The following LRFN2 variants were observed in gnomAD, a reference collection of about 807,000 sequenced individuals.
LRFN2 encodes the protein leucine-rich repeat and fibronectin type-III domain-containing protein 2.
LRFN2 carries 18 observed loss-of-function variants against 37.3 expected under a neutral mutation model. The observed-to-expected ratio is 0.48, with a 90% confidence interval of 0.33 to 0.72. LRFN2 has a LOEUF of 0.72. LRFN2 is among the 30% of genes least tolerant of loss of function. LRFN2 has a pLI of 0.02. For missense variants in LRFN2, 1,006 were observed against 1,060.7 expected (o/e 0.95, Z 0.72); for synonymous variants, 556 against 466.6 (o/e 1.19, Z -2.47).
chr6:40,536,036 A>G (rs1766442706), intron 1 of LRFN2, among the ~76,000 whole-genome samples: 1 of 152,106 alleles, frequency 6.6e-6, no homozygotes, highest in African/African-American at 2.4e-5. Context: ...GGAGATGGAA[A>G]TAAAGAAGTT....
intron 1 of LRFN2, among the ~76,000 whole-genome samples, chr6:40,508,346 T>C (rs898772659): frequency 5.3e-5 from 8 of 152,224 alleles, no homozygotes; most frequent in Non-Finnish European, 8.8e-5. Flanking sequence ...ACCCCACAGC[T>C]TCCCACTGTA....
In LRFN2 at chr6:40,432,697, G is replaced by T; in HGVS notation, c.417C>A (p.Ile139=). 6.2e-7 allele frequency: 1 copy of T among 1,614,166 alleles called. No homozygotes were observed. The part of the protein sequence containing the change: ...LIVNNNQLGG[I]ADEAFEDFLL... ...GGAAGTCCTCAAAAGCCTCATCTGC[G>T]ATGCCGCCCAGCTGGTTGTTGTTCA... Residue 139 remains isoleucine, a synonymous_variant, in exon 2 of 3, where the codon ATC becomes ATA. Transcript: ENST00000338305.
intron 1 of LRFN2, among the ~76,000 whole-genome samples, chr6:40,566,905 TC>T (rs1424865295): frequency 1.3e-5 from 2 of 151,480 alleles, no homozygotes; most frequent in African/African-American, 4.9e-5. Context: ...ATAAAAGAAA[TC>T]CCTAACATTT....
intron 1 of LRFN2, among the ~76,000 whole-genome samples, chr6:40,470,173 T>C (rs1561868554): frequency 6.6e-6 from 1 of 152,020 alleles, no homozygotes; most frequent in Non-Finnish European, 1.5e-5. Context: ...CCAACATGGC[T>C]CCCCAAGGCA....
In LRFN2 at chr6:40,493,968, A is replaced by G. The variant is rs555429224; in HGVS notation, c.-18-60837T>C. 5.3e-5 allele frequency among the ~76,000 whole-genome samples: 8 copies of G among 152,358 alleles called. No individual in the cohort carries two copies. The South Asian group carries it at 1.7e-3, about 32-fold the overall frequency. On this transcript the variant is annotated intron_variant, in intron 1 of 2. Transcript: ENST00000338305. Reference sequence around the variant, plus strand: ...GCCTCACCTGCTGTTCTGACAAGACAGTGCTGTCCTGTGGTTCTGGAAAAG... The same window carrying G: ...GCCTCACCTGCTGTTCTGACAAGACGGTGCTGTCCTGTGGTTCTGGAAAAG...
At chr6:40,484,663 A>G (rs1581741208) in intron 1 of LRFN2, among the ~76,000 whole-genome samples, 1 of 152,322 alleles carries the variant, frequency 6.6e-6, no homozygotes, top group African/African-American at 2.4e-5. Context: ...CTCAGGAACT[A>G]GATATCAGAC....
intron 1 of LRFN2, among the ~76,000 whole-genome samples, chr6:40,464,517 TG>T (rs1764415225): frequency 6.6e-6 from 1 of 152,186 alleles, no homozygotes; most frequent in African/African-American, 2.4e-5. Flanking sequence ...CCCTTGACCT[TG>T]GGCTTCTCAG....
chr6:40,449,877 T>C (rs1205751492), intron 1 of LRFN2, among the ~76,000 whole-genome samples: 1 of 152,082 alleles, frequency 6.6e-6, no homozygotes, highest in Non-Finnish European at 1.5e-5. Flanking sequence ...TGTTACATGA[T>C]AGAGAAAAAA....
At chr6:40,562,001 T>C (rs1414925265) in intron 1 of LRFN2, among the ~76,000 whole-genome samples, 1 of 152,174 alleles carries the variant, frequency 6.6e-6, no homozygotes, top group Non-Finnish European at 1.5e-5. Flanking sequence ...TAGCAGGTAT[T>C]CTAGAAGTAT....
At chr6:40,574,616 G>A (rs914548232) in intron 1 of LRFN2, among the ~76,000 whole-genome samples, 11 of 152,184 alleles carry the variant, frequency 7.2e-5, no homozygotes, top group African/African-American at 2.4e-4. Flanking sequence ...TAAATGTGTG[G>A]CCTGTTCCAT....
At chr6:40,550,670 T>C (rs435426) in intron 1 of LRFN2, among the ~76,000 whole-genome samples, 18,490 of 151,642 alleles carry the variant, frequency 0.12, 1,393 homozygotes, top group Non-Finnish European at 0.16. Flanking sequence ...GGGAGTGGTA[T>C]AGTTTTGTTT....
At chr6:40,523,726 G>T (rs1167368406) in intron 1 of LRFN2, 2 of 152,122 alleles carry the variant, frequency 1.3e-5, no homozygotes, top group African/African-American at 4.8e-5. Context: ...AGCTTGCTAT[G>T]AAAGTTTAAG....
chr6:40,467,797 A>C (rs17626141), intron 1 of LRFN2, among the ~76,000 whole-genome samples: 4,329 of 152,204 alleles, frequency 0.028, 115 homozygotes, highest in East Asian at 0.098. Flanking sequence ...AACGGAGAGA[A>C]ACAGCCTCTA....
At chr6:40,525,525 A>G (rs773368010) in intron 1 of LRFN2, among the ~76,000 whole-genome samples, 1 of 152,184 alleles carries the variant, frequency 6.6e-6, no homozygotes, top group Non-Finnish European at 1.5e-5. Context: ...TCCCATATAT[A>G]TGTAAATAAT....
rs1762509702 is a variant in LRFN2 at position 40,391,883 on chromosome 6, G to A, written c.*60C>T. ...ATGGAAACTCCACAAACACTTGCCA[G>A]TGAGATTCTTTCCCCTTCTCCCACC... On this transcript the variant is annotated 3_prime_UTR_variant, in exon 3 of 3. Transcript: ENST00000338305. The A allele has an allele frequency of 6.8e-6, 10 of 1,461,734 alleles. No individual in the cohort carries two copies. The highest frequency in any genetic ancestry group is 7.3e-6 in the Non-Finnish European group (8 of 1,098,978). The allele number at this position is 1,461,734 out of a possible 1,614,324, so 90.5% of individuals were successfully genotyped here. A position where few individuals can be genotyped will look rare whatever the true frequency, so the allele number is the denominator to read the frequency against.
chr6:40,486,652 A>G (rs1764965732), intron 1 of LRFN2, among the ~76,000 whole-genome samples: 1 of 152,094 alleles, frequency 6.6e-6, no homozygotes. Context: ...ATGTTAATAA[A>G]TCATCTGGAA....
At chr6:40,420,236 G>A (rs771326495) in intron 2 of LRFN2, among the ~76,000 whole-genome samples, 5 of 152,310 alleles carry the variant, frequency 3.3e-5, no homozygotes, top group Admixed American at 1.3e-4. Flanking sequence ...GGCCCATCGC[G>A]TCCTGTGGTT....
intron 1 of LRFN2, among the ~76,000 whole-genome samples, chr6:40,514,017 G>A (rs1405603144): frequency 6.6e-6 from 1 of 151,998 alleles, no homozygotes; most frequent in Non-Finnish European, 1.5e-5. Context: ...CACCATGCCA[G>A]GCTAAAATGT....
At chr6:40,402,744 A>C (rs1762766860) in intron 2 of LRFN2, among the ~76,000 whole-genome samples, 1 of 152,216 alleles carries the variant, frequency 6.6e-6, no homozygotes, top group African/African-American at 2.4e-5. Context: ...CGGGAAGTAC[A>C]TCTAATAATT....
Sources: gnomAD v4.1 joint callset for allele counts (sites outside exome capture counted in the v4.1 genomes callset) on GRCh38, gnomAD v4.1.1 for gene constraint, MANE v1.5 for transcripts, NCBI Gene and HGNC (gene_info 2026-07-23, HGNC 2026-07-21) for gene names.